NSD3: variants seen among roughly 807,000 people sequenced by gnomAD.
The protein encoded by NSD3 is nuclear receptor binding SET domain protein 3.
A neutral mutation model predicts 160.8 loss-of-function variants in NSD3; 24 were observed. That is an observed-to-expected ratio of 0.15 (90% CI 0.11 to 0.21). The LOEUF (loss-of-function observed/expected upper bound fraction) is 0.21, where lower values mean the gene tolerates loss of function less well. NSD3 is among the 10% of genes least tolerant of loss of function. NSD3 has a pLI of 1.00. For missense variants in NSD3, 1,157 were observed against 1,735.9 expected, an observed-to-expected ratio of 0.67 and a Z score of 5.93; for synonymous variants, 520 against 600.0, an observed-to-expected ratio of 0.87 and a Z score of 1.95.
chr8:38,314,589 C>A, intron 12 of NSD3, 58 bp downstream of exon 12: 1 of 1,607,316 alleles, frequency 6.2e-7, no homozygotes. Flanking sequence ...GTTGTCAGTG[C>A]ACATTCCTGG....
At chr8:38,362,711 G>A (rs545474251) in intron 1 of NSD3, among the ~76,000 whole-genome samples, 2 of 152,058 alleles carry the variant, frequency 1.3e-5, no homozygotes, top group South Asian at 4.2e-4. Context: ...ATAAACAATT[G>A]ACAACATATT....
At chr8:38,301,325 C>T (rs1809270410) in intron 14 of NSD3, among the ~76,000 whole-genome samples, 2 of 152,194 alleles carry the variant, frequency 1.3e-5, no homozygotes, top group Non-Finnish European at 2.9e-5. Flanking sequence ...CGCCTGTAAT[C>T]CCAGCACTTT....
intron 1 of NSD3, among the ~76,000 whole-genome samples, chr8:38,352,480 T>C (rs570537230): frequency 3.3e-5 from 5 of 152,342 alleles, no homozygotes; most frequent in African/African-American, 1.2e-4. Flanking sequence ...TTGTGATTTC[T>C]GGTTCATAGG....
At chr8:38,315,765 G>A in intron 10 of NSD3, 147 bp downstream of exon 10, 1 of 1,297,476 alleles carries the variant, frequency 7.7e-7, no homozygotes, top group Non-Finnish European at 1.0e-6. Context: ...TATATAACAT[G>A]AGAGCAAAAG....
At position 38,315,932 on chromosome 8, in the gene NSD3, T is replaced by C; in HGVS notation, c.1966A>G (p.Arg656Gly). ...AYRDTSDSDS[R>G]GLSDLQVGFG... is the part of the protein sequence containing the mutation. ...TTTACCTGCAGGTCACTCAGTCCTC[T>C]AGAATCGGAGTCAGATGTGTCTCTG... is the stretch of plus-strand genomic sequence containing the variant. The change falls in exon 10 of 24, where the codon AGA becomes GGA. Residue 656 changes from arginine to glycine, a missense_variant. By Grantham distance (125) the Arg-to-Gly change is moderately radical. Coordinates refer to ENST00000317025, the MANE Select transcript of NSD3 (RefSeq NM_023034.2). 6.2e-7 allele frequency: 1 copy of C among 1,613,874 alleles called. No homozygotes were observed. Among genetic ancestry groups the C allele is most frequent in the Non-Finnish European group, 8.5e-7 (1 of 1,179,990 alleles).
At chr8:38,277,400 C>T (rs1808627951) in intron 22 of NSD3, among the ~76,000 whole-genome samples, 1 of 152,210 alleles carries the variant, frequency 6.6e-6, no homozygotes, top group Non-Finnish European at 1.5e-5. Flanking sequence ...GCCTCAGCTT[C>T]CTGAGTAGCT....
At chr8:38,299,381 A>G in intron 15 of NSD3, 63 bp downstream of exon 15, 1 of 1,541,262 alleles carries the variant, frequency 6.5e-7, no homozygotes, top group Non-Finnish European at 8.7e-7. Flanking sequence ...TCCCCCCTAT[A>G]TTGAAAGAGA....
intron 8 of NSD3, chr8:38,320,332 A>G (rs560901850): frequency 1.2e-4 from 19 of 152,300 alleles, no homozygotes; most frequent in Admixed American, 7.2e-4. Context: ...GTTTGCTAGC[A>G]GGTGTTTAGG....
At chr8:38,287,330 C>T (rs547533349) in intron 19 of NSD3, among the ~76,000 whole-genome samples, 67 of 152,054 alleles carry the variant, frequency 4.4e-4, no homozygotes, top group Non-Finnish European at 8.2e-4. Flanking sequence ...TAAAATAAGA[C>T]TGTTAAAAAG....
At position 38,308,248 on chromosome 8, in the gene NSD3, A is replaced by G. The variant is rs146742472; in HGVS notation, c.2243-2803T>C. Among the ~76,000 whole-genome samples, 28 of 152,336 alleles carry G rather than the reference A, an allele frequency of 1.8e-4. No homozygotes were observed. The East Asian group carries it at 5.2e-3, about 28-fold the overall frequency. On this transcript the variant is annotated intron_variant, in intron 12 of 23. Coordinates refer to ENST00000317025, the MANE Select transcript of NSD3 (RefSeq NM_023034.2). ...AAAAGTTCTTTAAAATGAGTAGTTG[A>G]AACTGTGATGTTCACTTTTTAAATT...
chr8:38,364,711 A>G (rs1366819862), intron 1 of NSD3, among the ~76,000 whole-genome samples: 1 of 152,242 alleles, frequency 6.6e-6, no homozygotes, highest in Non-Finnish European at 1.5e-5. Flanking sequence ...ATAAAAATAT[A>G]TAGGGAGAAA....
chr8:38,278,160 G>C (rs535475385), intron 22 of NSD3, 146 bp downstream of exon 22: 45 of 527,322 alleles, frequency 8.5e-5, no homozygotes, highest in South Asian at 3.7e-4. Flanking sequence ...GGATGGTCTC[G>C]ATCTCCTGAC....
chr8:38,370,698 C>G (rs142565354), intron 1 of NSD3, among the ~76,000 whole-genome samples: 1 of 152,156 alleles, frequency 6.6e-6, no homozygotes, highest in East Asian at 1.9e-4. Flanking sequence ...TCAAACCTTT[C>G]TGGAAATGTT....
In NSD3 at chr8:38,273,454, A is replaced by G. The variant is rs1016911206; in HGVS notation, c.*2187T>C. 2.6e-5 allele frequency: 4 copies of G among 152,256 alleles called. No individual in the cohort carries two copies. Among genetic ancestry groups the G allele is most frequent in the Non-Finnish European group, 5.9e-5 (4 of 68,042 alleles). 9.4% of individuals were successfully genotyped at this position (152,256 alleles called of 1,614,324 possible). ...TACTGAAACCTAAGGTATCTGTAGT[A>G]TATAGGATGTACCCTGGCTTACCAT... is the stretch of plus-strand genomic sequence containing the variant. On this transcript the variant is annotated 3_prime_UTR_variant, in exon 24 of 24. Coordinates refer to ENST00000317025, the MANE Select transcript of NSD3 (RefSeq NM_023034.2).
At chr8:38,322,884 A>C (rs1216902808) in intron 7 of NSD3, among the ~76,000 whole-genome samples, 1 of 152,202 alleles carries the variant, frequency 6.6e-6, no homozygotes. Context: ...TTGGTTTCTG[A>C]AGGGTGAACA....
Position 38,272,787 on chromosome 8 carries a change from A to C in NSD3, c.*2854T>G, listed in dbSNP as rs1009634243. Reference sequence around the variant, plus strand: ...AAAAGTTAACAAATACCAACTTCAGACTATGAGTGAGCAATGTCTTTTGGA... The same window carrying C: ...AAAAGTTAACAAATACCAACTTCAGCCTATGAGTGAGCAATGTCTTTTGGA... On this transcript the variant is annotated 3_prime_UTR_variant, in exon 24 of 24. Coordinates refer to ENST00000317025, the MANE Select transcript of NSD3 (RefSeq NM_023034.2). 1.3e-5 allele frequency: 2 copies of C among 152,214 alleles called. No individual in the cohort carries two copies. Among genetic ancestry groups the C allele is most frequent in the Non-Finnish European group, 2.9e-5 (2 of 68,022 alleles). 9.4% of individuals were successfully genotyped at this position (152,214 alleles called of 1,614,324 possible).
intron 1 of NSD3, among the ~76,000 whole-genome samples, chr8:38,364,878 G>A (rs763998351): frequency 2.6e-5 from 4 of 152,142 alleles, no homozygotes; most frequent in Non-Finnish European, 5.9e-5. Context: ...GTAATCACTA[G>A]GTGGAAATTT....
Position 38,356,257 on chromosome 8 carries a change from A to G in NSD3, c.-44-8042T>C, listed in dbSNP as rs537586458. Among the ~76,000 whole-genome samples the G allele has an allele frequency of 2.0e-5, 3 of 152,372 alleles. No homozygotes were observed. The South Asian group carries it at 6.2e-4, about 32-fold the overall frequency. On this transcript the variant is annotated intron_variant, in intron 1 of 23. Transcript: ENST00000317025. ...ACTTCTAATTTTGCTGAAACTATAC[A>G]GTTTTAAATAAGCAAAAAAAAGTTG...
intron 12 of NSD3, among the ~76,000 whole-genome samples, chr8:38,313,615 C>A (rs1244889249): frequency 6.6e-6 from 1 of 151,836 alleles, no homozygotes; most frequent in Admixed American, 6.6e-5. Context: ...GGTGAAACCT[C>A]GTCTCTACTA....
Sources: gnomAD v4.1 joint callset for allele counts (sites outside exome capture counted in the v4.1 genomes callset) on GRCh38, gnomAD v4.1.1 for gene constraint, MANE v1.5 for transcripts, NCBI Gene and HGNC (gene_info 2026-07-23, HGNC 2026-07-21) for gene names.